Variants in LANCL2 observed in about 807,000 individuals in gnomAD.
LANCL2 encodes LanC like glutathione S-transferase 2, also known as lanC-like protein 2.
In LANCL2, 33 loss-of-function variants were observed where a neutral mutation model predicts 56.9. That is an observed-to-expected ratio of 0.58 (90% CI 0.44 to 0.78). LANCL2 has a LOEUF of 0.78. Among genes scored for constraint, LANCL2 ranks in the 30% least tolerant of loss-of-function variants. LANCL2 has a pLI of 0.00. For synonymous variants in LANCL2, 233 were observed against 228.2 expected (o/e 1.02, Z -0.19); for missense variants, 562 against 580.2 (o/e 0.97, Z 0.32).
At chr7:55,381,895 A>G (rs1167675186) in intron 1 of LANCL2, among the ~76,000 whole-genome samples, 1 of 152,194 alleles carries the variant, frequency 6.6e-6, no homozygotes, top group Non-Finnish European at 1.5e-5. Context: ...TAGAATGGCA[A>G]ACAAATGAGG....
intron 1 of LANCL2, among the ~76,000 whole-genome samples, chr7:55,384,473 A>C (rs1262184196): frequency 3.3e-5 from 5 of 152,046 alleles, no homozygotes; most frequent in Non-Finnish European, 5.9e-5. Flanking sequence ...AATGGCGTGA[A>C]CCTGGGAGGC....
chr7:55,384,335 C>T (rs1008988796), intron 1 of LANCL2, among the ~76,000 whole-genome samples: 4 of 152,112 alleles, frequency 2.6e-5, no homozygotes, highest in African/African-American at 4.8e-5. Flanking sequence ...GGGTGGATCA[C>T]GAGGTCAGGA....
chr7:55,419,960 C>G (rs1790591024), intron 6 of LANCL2, among the ~76,000 whole-genome samples: 1 of 152,138 alleles, frequency 6.6e-6, no homozygotes, highest in South Asian at 2.1e-4. Context: ...CAAGACCAAC[C>G]TGGGCAACAT....
Position 55,425,397 on chromosome 7 carries a change from G to A in LANCL2, c.1152G>A (p.Thr384=), listed in dbSNP as rs185586029. Residue 384 remains threonine (T), a synonymous_variant, in exon 7 of 9, where the codon ACG becomes ACA. Transcript: ENST00000254770. ...CCTTCCTGTCCCTTTACCGTCTCACGCAGGATAAGAAGTACCTCTACCGAG... is the reference window on the plus strand; with the variant it reads ...CCTTCCTGTCCCTTTACCGTCTCACACAGGATAAGAAGTACCTCTACCGAG... ...GYSFLSLYRL[T]QDKKYLYRAC... The A allele has an allele frequency of 3.7e-5, 59 of 1,614,062 alleles. No individual in the cohort carries two copies. The Admixed American group carries it at 4.8e-4, about 13-fold the overall frequency.
rs1475295022 is a variant in LANCL2 at position 55,365,630 on chromosome 7, G to A, written c.-396G>A. 2 of 164,276 alleles carry A rather than the reference G, an allele frequency of 1.2e-5. No individual in the cohort carries two copies. The highest frequency in any genetic ancestry group is 2.6e-5 in the Non-Finnish European group (2 of 76,494). 10.2% of individuals were successfully genotyped at this position (164,276 alleles called of 1,614,324 possible). ...TCTTTGGAAATCGCGGAGGGGGCTG[G>A]CCGGGCGCAGCGATCCCCACCCCGG... On this transcript the variant is annotated 5_prime_UTR_variant, in exon 1 of 9. Coordinates refer to ENST00000254770, the MANE Select transcript of LANCL2 (RefSeq NM_018697.4).
At chr7:55,425,922 C>T (rs1434895392) in intron 7 of LANCL2, among the ~76,000 whole-genome samples, 1 of 152,228 alleles carries the variant, frequency 6.6e-6, no homozygotes, top group Non-Finnish European at 1.5e-5. Context: ...ACCTTGGCCC[C>T]TCTCTGTGTC....
At chr7:55,394,956 G>A (rs537837973) in intron 2 of LANCL2, among the ~76,000 whole-genome samples, 1 of 152,268 alleles carries the variant, frequency 6.6e-6, no homozygotes, top group Non-Finnish European at 1.5e-5. Context: ...AAGGTGGAGC[G>A]GCATCCTTGC....
At chr7:55,381,772 C>G (rs534491948) in intron 1 of LANCL2, among the ~76,000 whole-genome samples, 1 of 152,214 alleles carries the variant, frequency 6.6e-6, no homozygotes, top group Non-Finnish European at 1.5e-5. Context: ...GTGTATCTCA[C>G]ACAGATGGCT....
chr7:55,404,339 C>T (rs553337776), intron 5 of LANCL2, among the ~76,000 whole-genome samples: 46 of 152,182 alleles, frequency 3.0e-4, no homozygotes, highest in Non-Finnish European at 4.6e-4. Flanking sequence ...TTTAAGCTTT[C>T]TTTATTCTGC....
At chr7:55,430,524 A>T (rs1013118474) in intron 8 of LANCL2, among the ~76,000 whole-genome samples, 1 of 152,240 alleles carries the variant, frequency 6.6e-6, no homozygotes, top group Non-Finnish European at 1.5e-5. Context: ...TGATGGAAAT[A>T]TTCCAGGTCT....
intron 6 of LANCL2, among the ~76,000 whole-genome samples, chr7:55,418,861 A>G (rs1390631300): frequency 6.6e-6 from 1 of 151,566 alleles, no homozygotes; most frequent in South Asian, 2.1e-4. Flanking sequence ...TTTTTCCTGG[A>G]TTTATTCAAA....
chr7:55,389,696 G>A (rs944805047), intron 1 of LANCL2, among the ~76,000 whole-genome samples: 2 of 152,188 alleles, frequency 1.3e-5, no homozygotes, highest in African/African-American at 4.8e-5. Flanking sequence ...ACAATGCAGT[G>A]CAGGTAGGGT....
chr7:55,390,742 C>T (rs2128992715), intron 1 of LANCL2, among the ~76,000 whole-genome samples: 1 of 150,822 alleles, frequency 6.6e-6, no homozygotes, highest in East Asian at 2.0e-4. Context: ...GATCACACCA[C>T]AGCACTCCAG....
chr7:55,420,051 C>T (rs1169014882), intron 6 of LANCL2, among the ~76,000 whole-genome samples: 2 of 152,038 alleles, frequency 1.3e-5, no homozygotes, highest in African/African-American at 4.8e-5. Context: ...GTGACAGAGT[C>T]AGACCCTGTC....
At chr7:55,389,220 C>A (rs550617831) in intron 1 of LANCL2, among the ~76,000 whole-genome samples, 4 of 152,186 alleles carry the variant, frequency 2.6e-5, no homozygotes, top group African/African-American at 9.6e-5. Flanking sequence ...TTAAAAAATA[C>A]AGCCTAGAGG....
At position 55,365,953 on chromosome 7, in the gene LANCL2, A is replaced by C. The variant is rs541401018; in HGVS notation, c.-73A>C. On this transcript the variant is annotated 5_prime_UTR_variant, in exon 1 of 9. Transcript: ENST00000254770. ...CGCTCTCTGCGCGGGCCCTCGGAGG[A>C]GGCGGCGGCGGGGCGAGCTGCAGCG... 3.2e-5 allele frequency: 39 copies of C among 1,212,470 alleles called. No individual in the cohort carries two copies. Among genetic ancestry groups the C allele is most frequent in the South Asian group, 3.0e-4 (17 of 56,420 alleles). The allele number at this position is 1,212,470 out of a possible 1,614,324, so 75.1% of individuals were successfully genotyped here. A position where few individuals can be genotyped will look rare whatever the true frequency, so the allele number is the denominator to read the frequency against.
intron 2 of LANCL2, 116 bp downstream of exon 2, chr7:55,392,026 C>G (rs1790197189): frequency 3.3e-6 from 2 of 600,994 alleles, no homozygotes; most frequent in South Asian, 2.0e-5. Flanking sequence ...GGCACGGTGG[C>G]TGACGCCTGT....
chr7:55,387,248 C>A (rs763605154), intron 1 of LANCL2, among the ~76,000 whole-genome samples: 1 of 152,032 alleles, frequency 6.6e-6, no homozygotes, highest in Non-Finnish European at 1.5e-5. Flanking sequence ...CAGTGTGAGA[C>A]GTTTTTGATT....
chr7:55,424,038 T>C (rs1269439212), intron 6 of LANCL2, among the ~76,000 whole-genome samples: 1 of 152,194 alleles, frequency 6.6e-6, no homozygotes, highest in East Asian at 1.9e-4. Flanking sequence ...CGGCTGAGTG[T>C]CCAGCTCATC....
Sources: allele counts gnomAD v4.1 joint callset (sites outside exome capture counted in the v4.1 genomes callset), GRCh38; gene constraint gnomAD v4.1.1; transcripts MANE v1.5; gene names NCBI Gene and HGNC (gene_info 2026-07-23, HGNC 2026-07-21).